RAB3C: variants seen among roughly 807,000 people sequenced by gnomAD.
The protein encoded by RAB3C is RAB3C, member RAS oncogene family.
In RAB3C, 17 loss-of-function variants were observed where a neutral mutation model predicts 26.4. The observed-to-expected ratio is 0.64, with a 90% confidence interval of 0.44 to 0.97. The LOEUF (loss-of-function observed/expected upper bound fraction) is 0.97, where lower values mean the gene tolerates loss of function less well. Ranked by LOEUF, RAB3C falls within the 50% of genes least tolerant of loss-of-function variation. RAB3C has a pLI of 0.00. For synonymous variants in RAB3C, 91 were observed against 95.9 expected (o/e 0.95, Z 0.30); for missense variants, 242 against 281.9 (o/e 0.86, Z 1.01).
At chr5:58,687,909 G>A (rs992607831) in intron 2 of RAB3C, among the ~76,000 whole-genome samples, 3 of 151,980 alleles carry the variant, frequency 2.0e-5, no homozygotes, top group African/African-American at 7.2e-5. Flanking sequence ...GTCCCTGAAT[G>A]TACTTGCTAA....
chr5:58,718,002 A>G (rs1749208041), intron 2 of RAB3C, among the ~76,000 whole-genome samples: 1 of 152,068 alleles, frequency 6.6e-6, no homozygotes, highest in Admixed American at 6.6e-5. Context: ...AAAGCCTGTT[A>G]TCCTTTAAAA....
At chr5:58,617,946 G>C in intron 2 of RAB3C, 76 bp downstream of exon 2, 4 of 895,184 alleles carry the variant, frequency 4.5e-6, no homozygotes, top group Non-Finnish European at 3.5e-6. Context: ...GAAACTTTCT[G>C]CCTTGTTCTA....
intron 3 of RAB3C, among the ~76,000 whole-genome samples, chr5:58,728,300 T>C (rs1319829790): frequency 6.6e-6 from 1 of 152,064 alleles, no homozygotes; most frequent in Non-Finnish European, 1.5e-5. Context: ...CACCCAGTTA[T>C]CTGATGTAGA....
chr5:58,702,310 C>G (rs1202351248), intron 2 of RAB3C, among the ~76,000 whole-genome samples: 1 of 152,140 alleles, frequency 6.6e-6, no homozygotes, highest in Non-Finnish European at 1.5e-5. Context: ...GTTTAAACAT[C>G]ATATAGGCTG....
intron 4 of RAB3C, 152 bp downstream of exon 4, chr5:58,825,314 A>G: frequency 1.2e-6 from 1 of 828,098 alleles, no homozygotes. Flanking sequence ...AGTGGACAAT[A>G]TATTTTCTCC....
At chr5:58,658,117 A>G (rs546944854) in intron 2 of RAB3C, among the ~76,000 whole-genome samples, 3 of 152,346 alleles carry the variant, frequency 2.0e-5, no homozygotes, top group African/African-American at 7.2e-5. Context: ...CGTGTCTATT[A>G]TGTTGCAGGT....
chr5:58,734,468 AC>A (rs1741091997), intron 3 of RAB3C, among the ~76,000 whole-genome samples: 1 of 152,116 alleles, frequency 6.6e-6, no homozygotes, highest in African/African-American at 2.4e-5. Flanking sequence ...CCTACACTGG[AC>A]CGCGGGGAGT....
chr5:58,630,514 C>A (rs1475436549), intron 2 of RAB3C, among the ~76,000 whole-genome samples: 1 of 152,086 alleles, frequency 6.6e-6, no homozygotes, highest in Non-Finnish European at 1.5e-5. Flanking sequence ...AAAGACAGTA[C>A]AATTAGTGAG....
intron 3 of RAB3C, among the ~76,000 whole-genome samples, chr5:58,768,780 A>G (rs1345113717): frequency 6.6e-6 from 1 of 152,070 alleles, no homozygotes; most frequent in Non-Finnish European, 1.5e-5. Flanking sequence ...TGTAAATGTC[A>G]GAGGTAACCA....
At chr5:58,677,684 T>A (rs1410370045) in intron 2 of RAB3C, among the ~76,000 whole-genome samples, 1 of 152,214 alleles carries the variant, frequency 6.6e-6, no homozygotes, top group Non-Finnish European at 1.5e-5. Flanking sequence ...ACTGAATTGT[T>A]AAGTTTATAA....
chr5:58,603,476 T>C (rs1414703247), intron 1 of RAB3C, among the ~76,000 whole-genome samples: 1 of 152,138 alleles, frequency 6.6e-6, no homozygotes, highest in Non-Finnish European at 1.5e-5. Context: ...TTTAACATAA[T>C]CCCAGACCCC....
In RAB3C at chr5:58,859,322, G is replaced by C. The variant is rs556354917; in HGVS notation, c.*7971G>C. ...TTTGTATGTGAATTCTATAAAGAAAGTGGTTTTTGTTCTTTGAGTTTGTTT... is the reference window on the plus strand; with the variant it reads ...TTTGTATGTGAATTCTATAAAGAAACTGGTTTTTGTTCTTTGAGTTTGTTT... On this transcript the variant is annotated 3_prime_UTR_variant, in exon 5 of 5. Transcript: ENST00000282878. The C allele has an allele frequency of 6.6e-6, 1 of 152,228 alleles. No individual in the cohort carries two copies. The highest frequency in any genetic ancestry group is 1.9e-4 in the East Asian group (1 of 5,202). The allele number at this position is 152,228 out of a possible 1,614,324, so 9.4% of individuals were successfully genotyped here. A position where few individuals can be genotyped will look rare whatever the true frequency, so the allele number is the denominator to read the frequency against.
intron 2 of RAB3C, among the ~76,000 whole-genome samples, chr5:58,714,843 AAACAT>A (rs1336958144): frequency 1.3e-5 from 2 of 152,054 alleles, no homozygotes; most frequent in African/African-American, 2.4e-5. Flanking sequence ...TGAAAAAAAG[AAACAT>A]AACATAATCA....
chr5:58,788,847 T>C (rs1742454573), intron 3 of RAB3C, among the ~76,000 whole-genome samples: 1 of 152,246 alleles, frequency 6.6e-6, no homozygotes, highest in South Asian at 2.1e-4. Flanking sequence ...GATAATGGTA[T>C]GTAAATATAT....
intron 2 of RAB3C, among the ~76,000 whole-genome samples, chr5:58,704,724 G>T (rs1748910370): frequency 6.6e-6 from 1 of 152,054 alleles, no homozygotes; most frequent in Non-Finnish European, 1.5e-5. Context: ...CATATTTTCA[G>T]AAGTTTAAAG....
At chr5:58,704,519 C>T (rs1053548503) in intron 2 of RAB3C, among the ~76,000 whole-genome samples, 3 of 152,142 alleles carry the variant, frequency 2.0e-5, no homozygotes, top group African/African-American at 7.2e-5. Context: ...TGAATATAAT[C>T]GCAAACAGAA....
intron 2 of RAB3C, among the ~76,000 whole-genome samples, chr5:58,637,432 T>C (rs1035351403): frequency 1.3e-5 from 2 of 152,180 alleles, no homozygotes; most frequent in African/African-American, 4.8e-5. Context: ...GTAAAAGATC[T>C]GTGATTTCTA....
At chr5:58,720,921 C>G (rs1043187576) in intron 2 of RAB3C, among the ~76,000 whole-genome samples, 2 of 151,812 alleles carry the variant, frequency 1.3e-5, no homozygotes, top group African/African-American at 2.4e-5. Flanking sequence ...ACAACTCCTA[C>G]CTTACAAATG....
At chr5:58,777,609 T>C (rs78926361) in intron 3 of RAB3C, among the ~76,000 whole-genome samples, 2 of 151,836 alleles carry the variant, frequency 1.3e-5, no homozygotes, top group African/African-American at 2.4e-5. Context: ...TTTTTTTTTT[T>C]TTGTACTTTA....
Sources: allele counts gnomAD v4.1 joint callset (sites outside exome capture counted in the v4.1 genomes callset), GRCh38; gene constraint gnomAD v4.1.1; transcripts MANE v1.5; gene names NCBI Gene and HGNC (gene_info 2026-07-23, HGNC 2026-07-21).